NEBL: variants seen among roughly 807,000 people sequenced by gnomAD.
NEBL encodes LIM and SH3 protein 2.
NEBL carries 122 observed loss-of-function variants against 140.2 expected under a neutral mutation model. The observed-to-expected ratio is 0.87, with a 90% CI of 0.75 to 1.01. NEBL has a LOEUF of 1.01. NEBL is among the 50% of genes least tolerant of loss of function. The probability of loss-of-function intolerance (pLI) is 0.00; values close to 1 mark genes in which losing one functional copy is unlikely to be tolerated. For missense variants in NEBL, 1,365 were observed against 1,231.3 expected, an observed-to-expected ratio of 1.11 and a Z score of -1.62; for synonymous variants, 436 against 398.9, an observed-to-expected ratio of 1.09 and a Z score of -1.11.
chr10:20,824,994 CAGA>C (rs1393520358), intron 18 of NEBL, among the ~76,000 whole-genome samples: 6 of 152,152 alleles, frequency 3.9e-5, no homozygotes, highest in Admixed American at 3.9e-4. Context: ...CATGAAAGAT[CAGA>C]AGAACACATT....
At chr10:21,052,572 C>G (rs1331727247) in intron 2 of NEBL, among the ~76,000 whole-genome samples, 1 of 152,142 alleles carries the variant, frequency 6.6e-6, no homozygotes, top group South Asian at 2.1e-4. Context: ...TGACTGTCAC[C>G]GATTGGTCAG....
At chr10:20,802,115 G>A (rs1837182592) in intron 26 of NEBL, among the ~76,000 whole-genome samples, 1 of 152,130 alleles carries the variant, frequency 6.6e-6, no homozygotes. Context: ...AATCAAGGCA[G>A]GTAAACACCA....
At chr10:21,028,382 A>C (rs1042198763) in intron 2 of NEBL, among the ~76,000 whole-genome samples, 1 of 152,162 alleles carries the variant, frequency 6.6e-6, no homozygotes, top group Non-Finnish European at 1.5e-5. Flanking sequence ...AGGAAGAAAG[A>C]AAATAATTCC....
chr10:21,067,938 C>A (rs906793832), intron 2 of NEBL, among the ~76,000 whole-genome samples: 1 of 151,992 alleles, frequency 6.6e-6, no homozygotes, highest in African/African-American at 2.4e-5. Flanking sequence ...GTGACTGCAC[C>A]ATGCACTCCA....
chr10:21,121,589 T>C (rs1459510683), intron 2 of NEBL, among the ~76,000 whole-genome samples: 2 of 152,224 alleles, frequency 1.3e-5, no homozygotes, highest in African/African-American at 2.4e-5. Context: ...AATTGTCTTA[T>C]GAATCACTAT....
chr10:21,199,082 CA>C (rs1841694639), intron 3 of NEBL, among the ~76,000 whole-genome samples: 1 of 151,754 alleles, frequency 6.6e-6, no homozygotes, highest in Non-Finnish European at 1.5e-5. Flanking sequence ...TGGAGTACAG[CA>C]GTGCAATCAC....
At chr10:21,125,761 A>G in intron 2 of NEBL, 2 of 1,278,534 alleles carry the variant, frequency 1.6e-6, no homozygotes, top group East Asian at 2.3e-5. Flanking sequence ...TGGAAACAGA[A>G]CTCAGGCTCA....
intron 1 of NEBL, among the ~76,000 whole-genome samples, chr10:21,269,745 T>C (rs1299870197): frequency 1.3e-5 from 2 of 152,206 alleles, no homozygotes; most frequent in African/African-American, 4.8e-5. Flanking sequence ...GGGAATATAT[T>C]TGCATATATA....
chr10:21,262,806 G>A (rs73609245), intron 1 of NEBL, among the ~76,000 whole-genome samples: 149 of 152,222 alleles, frequency 9.8e-4, no homozygotes, highest in African/African-American at 3.4e-3. Context: ...TTGGCTGGTG[G>A]GTGTAGTGGT....
At chr10:21,041,356 A>G (rs1834259293) in intron 2 of NEBL, among the ~76,000 whole-genome samples, 1 of 152,232 alleles carries the variant, frequency 6.6e-6, no homozygotes, top group Admixed American at 6.5e-5. Flanking sequence ...GTCCCATCAA[A>G]AGCTTGCAAA....
At chr10:21,016,336 G>T (rs1302067057) in intron 3 of NEBL, among the ~76,000 whole-genome samples, 2 of 152,144 alleles carry the variant, frequency 1.3e-5, no homozygotes, top group Non-Finnish European at 2.9e-5. Context: ...TTCATAAAAT[G>T]TTATTATGAC....
Position 21,044,397 on chromosome 10 carries a change from T to TAAAAAAAAAAAA in NEBL, c.165-24208_165-24197dup, listed in dbSNP as rs57176129. On this transcript the variant is annotated intron_variant, in intron 2 of 6. Transcript: ENST00000417816. ...GGGTGACTGGGTGACAGAGTAAGAATAAAAAAAAAAAAAAAAAAAAAAAAA... is the reference window on the plus strand; with the variant it reads ...GGGTGACTGGGTGACAGAGTAAGAATAAAAAAAAAAAAAAAAAAAAAAAAAAAAAAAAAAAAA... Among the ~76,000 whole-genome samples, 5 of 34,866 alleles carry TAAAAAAAAAAAA rather than the reference T, an allele frequency of 1.4e-4. 2 individuals are homozygous for TAAAAAAAAAAAA. Among genetic ancestry groups the TAAAAAAAAAAAA allele is most frequent in the East Asian group, 2.1e-3 (2 of 936 alleles). 22.9% of individuals were successfully genotyped at this position (34,866 alleles called of 152,430 possible). A position where few individuals can be genotyped will look rare whatever the true frequency, so the allele number is the denominator to read the frequency against.
intron 3 of NEBL, among the ~76,000 whole-genome samples, chr10:20,977,617 T>C (rs529635674): frequency 2.0e-5 from 3 of 152,158 alleles, no homozygotes; most frequent in East Asian, 1.9e-4. Context: ...CCAAATCCAA[T>C]TGGTACTCAA....
chr10:21,127,435 G>A (rs973267653), intron 2 of NEBL, among the ~76,000 whole-genome samples: 17 of 152,072 alleles, frequency 1.1e-4, no homozygotes, highest in Admixed American at 2.0e-4. Context: ...ATAAATGGTG[G>A]ACCAGGTATA....
At chr10:21,203,059 G>A (rs138329518) in intron 3 of NEBL, among the ~76,000 whole-genome samples, 25 of 152,264 alleles carry the variant, frequency 1.6e-4, no homozygotes, top group African/African-American at 5.5e-4. Flanking sequence ...CTGCAAGATG[G>A]GGAATAAAGT....
intron 18 of NEBL, among the ~76,000 whole-genome samples, chr10:20,825,963 G>T (rs1314750466): frequency 6.6e-6 from 1 of 152,176 alleles, no homozygotes; most frequent in East Asian, 1.9e-4. Flanking sequence ...GCAGAAGCGT[G>T]TCTGATAAAA....
At chr10:20,937,372 G>C (rs138393670) in intron 4 of NEBL, among the ~76,000 whole-genome samples, 3 of 152,262 alleles carry the variant, frequency 2.0e-5, no homozygotes, top group Admixed American at 6.5e-5. Flanking sequence ...TCATTCCCAT[G>C]AGAGATGTAG....
chr10:20,803,157 A>G (rs143798071), intron 26 of NEBL, among the ~76,000 whole-genome samples: 47 of 152,332 alleles, frequency 3.1e-4, no homozygotes, highest in African/African-American at 1.1e-3. Flanking sequence ...CATGTAAATT[A>G]CAGCTAGACA....
chr10:20,851,218 T>C (rs1443439869), intron 10 of NEBL, among the ~76,000 whole-genome samples: 1 of 152,256 alleles, frequency 6.6e-6, no homozygotes, highest in Non-Finnish European at 1.5e-5. Flanking sequence ...TCATAGAAGT[T>C]TTTATACTTC....
Sources: allele counts gnomAD v4.1 joint callset (sites outside exome capture counted in the v4.1 genomes callset), GRCh38; gene constraint gnomAD v4.1.1; transcripts MANE v1.5; gene names NCBI Gene and HGNC (gene_info 2026-07-23, HGNC 2026-07-21).